Variants in CCDC6 observed in about 807,000 individuals in gnomAD.
The protein encoded by CCDC6 is coiled-coil domain-containing protein 6.
Under a neutral mutation model 56.6 loss-of-function variants are expected in CCDC6, and 20 were observed. That is an observed-to-expected ratio of 0.35 (90% CI 0.25 to 0.51). The LOEUF (loss-of-function observed/expected upper bound fraction) is 0.51, where lower values mean the gene tolerates loss of function less well. CCDC6 is among the 20% of genes least tolerant of loss of function. The pLI is 0.95. For synonymous variants in CCDC6, 241 were observed against 234.4 expected, an observed-to-expected ratio of 1.03 and a Z score of -0.26; for missense variants, 367 against 601.1, an observed-to-expected ratio of 0.61 and a Z score of 4.07.
At chr10:59,854,779 A>G (rs181910653) in intron 1 of CCDC6, among the ~76,000 whole-genome samples, 1 of 152,338 alleles carries the variant, frequency 6.6e-6, no homozygotes, top group East Asian at 1.9e-4. Context: ...TATTTGACAC[A>G]TACATATCTA....
At chr10:59,820,854 GAT>G (rs764407192) in intron 3 of CCDC6, among the ~76,000 whole-genome samples, 1 of 149,180 alleles carries the variant, frequency 6.7e-6, no homozygotes, top group Non-Finnish European at 1.5e-5. Flanking sequence ...AAGTTGGCTA[GAT>G]TTTTTTTTTT....
chr10:59,864,072 C>A (rs2071157140), intron 1 of CCDC6, among the ~76,000 whole-genome samples: 1 of 152,140 alleles, frequency 6.6e-6, no homozygotes, highest in South Asian at 2.1e-4. Flanking sequence ...AGTTAGTTCC[C>A]ATGGCCAGCT....
At chr10:59,897,571 T>A (rs1177461518) in intron 1 of CCDC6, among the ~76,000 whole-genome samples, 1 of 152,150 alleles carries the variant, frequency 6.6e-6, no homozygotes, top group African/African-American at 2.4e-5. Context: ...GGATAATTTT[T>A]AAAAAGTCAA....
intron 2 of CCDC6, among the ~76,000 whole-genome samples, chr10:59,839,694 T>C (rs2070919356): frequency 6.6e-6 from 1 of 152,256 alleles, no homozygotes; most frequent in Admixed American, 6.5e-5. Context: ...GGTTTTGCAT[T>C]CTTTCATATC....
intron 1 of CCDC6, among the ~76,000 whole-genome samples, chr10:59,878,116 T>C (rs1159524042): frequency 6.6e-6 from 1 of 152,200 alleles, no homozygotes; most frequent in Admixed American, 6.5e-5. Context: ...CTTAGTATCT[T>C]AAGGAATAAG....
intron 1 of CCDC6, among the ~76,000 whole-genome samples, chr10:59,895,595 G>T (rs956497793): frequency 6.6e-6 from 1 of 152,188 alleles, no homozygotes; most frequent in Non-Finnish European, 1.5e-5. Flanking sequence ...AACATCCACT[G>T]TTATCACAGC....
chr10:59,835,713 G>A (rs867977218), intron 2 of CCDC6, among the ~76,000 whole-genome samples: 22 of 152,296 alleles, frequency 1.4e-4, no homozygotes, highest in Middle Eastern at 6.8e-3. Flanking sequence ...CCTGAACAAA[G>A]ACTAGAAACA....
rs570036777 is a variant in CCDC6 at position 59,791,954 on chromosome 10, C to T, written c.*963G>A. On this transcript the variant is annotated 3_prime_UTR_variant, in exon 9 of 9. Coordinates refer to ENST00000263102, the MANE Select transcript of CCDC6 (RefSeq NM_005436.5). ...TTCTGGCCATTATGCCAAGATAATG[C>T]GATAATGTCCATTTCAAATAGTATT... 1.1e-4 allele frequency: 24 copies of T among 219,988 alleles called. No individual in the cohort carries two copies. The highest frequency in any genetic ancestry group is 1.8e-4 in the Non-Finnish European group (20 of 109,604). 13.6% of individuals were successfully genotyped at this position (219,988 alleles called of 1,614,324 possible). A position where few individuals can be genotyped will look rare whatever the true frequency, so the allele number is the denominator to read the frequency against.
intron 2 of CCDC6, among the ~76,000 whole-genome samples, chr10:59,835,030 T>A (rs1188013029): frequency 1.3e-5 from 2 of 152,240 alleles, no homozygotes; most frequent in African/African-American, 4.8e-5. Flanking sequence ...CTAAAAATAG[T>A]TATGAACACT....
Position 59,906,502 on chromosome 10 carries a change from C to A in CCDC6, c.-78G>T. ...GAAGGCCGGGCTGCGAATGAGTGGG[C>A]GCCGGGCGAGCACAGGGGAGCGCCG... is the stretch of plus-strand genomic sequence containing the variant. On this transcript the variant is annotated 5_prime_UTR_variant, in exon 1 of 9. Coordinates refer to ENST00000263102, the MANE Select transcript of CCDC6 (RefSeq NM_005436.5). 7.8e-7 allele frequency: 1 copy of A among 1,284,408 alleles called. No individual in the cohort carries two copies. The highest frequency in any genetic ancestry group is 1.0e-6 in the Non-Finnish European group (1 of 979,960). The allele number at this position is 1,284,408 out of a possible 1,614,324, so 79.6% of individuals were successfully genotyped here.
intron 8 of CCDC6, among the ~76,000 whole-genome samples, chr10:59,793,550 GA>G (rs1405569080): frequency 4.6e-5 from 7 of 152,218 alleles, no homozygotes; most frequent in Non-Finnish European, 7.3e-5. Context: ...TTAGGAGGTA[GA>G]GGTGGGTGGA....
chr10:59,798,059 T>C (rs2070539807), intron 7 of CCDC6, among the ~76,000 whole-genome samples: 1 of 151,868 alleles, frequency 6.6e-6, no homozygotes, highest in Non-Finnish European at 1.5e-5. Flanking sequence ...ATTACTTGTT[T>C]TATCACTGCA....
intron 1 of CCDC6, among the ~76,000 whole-genome samples, chr10:59,898,571 G>A (rs942417102): frequency 1.3e-5 from 2 of 152,164 alleles, no homozygotes; most frequent in Non-Finnish European, 2.9e-5. Flanking sequence ...AATCCCCAAG[G>A]CTGGAGAGAA....
chr10:59,899,135 C>T (rs1299099361), intron 1 of CCDC6, among the ~76,000 whole-genome samples: 4 of 152,128 alleles, frequency 2.6e-5, no homozygotes, highest in Non-Finnish European at 4.4e-5. Flanking sequence ...TGCAAGTTAA[C>T]ACCACCCCAA....
At position 59,850,908 on chromosome 10, in the gene CCDC6, ATTCTTATG is replaced by A. The variant is rs547764193; in HGVS notation, c.453+1637_453+1644del. Among the ~76,000 whole-genome samples, 474 of 152,064 alleles carry A rather than the reference ATTCTTATG, an allele frequency of 3.1e-3. 3 individuals are homozygous for A. Among genetic ancestry groups the A allele is most frequent in the African/African-American group, 0.011 (443 of 41,478 alleles). On this transcript the variant is annotated intron_variant, in intron 2 of 8. Transcript: ENST00000263102. Reference sequence around the variant, plus strand: ...TGTTTTCATTCTTTTTTATGTTTTCATTCTTATGTTCTTATGTTTTCATTCTTTTTTAG... The same window carrying A: ...TGTTTTCATTCTTTTTTATGTTTTCATTCTTATGTTTTCATTCTTTTTTAG...
chr10:59,817,327 C>G (rs1350509595), intron 3 of CCDC6, among the ~76,000 whole-genome samples: 1 of 152,118 alleles, frequency 6.6e-6, no homozygotes, highest in Non-Finnish European at 1.5e-5. Context: ...ACTACAGGCA[C>G]ACACCACCAC....
intron 2 of CCDC6, among the ~76,000 whole-genome samples, chr10:59,847,841 T>A (rs376278237): frequency 2.3e-3 from 340 of 146,324 alleles, no homozygotes; most frequent in Non-Finnish European, 3.4e-3. Context: ...TTTTTTTTTT[T>A]ACCCCTAATG....
chr10:59,887,029 G>C (rs958131450), intron 1 of CCDC6, among the ~76,000 whole-genome samples: 2 of 152,176 alleles, frequency 1.3e-5, no homozygotes, highest in Admixed American at 6.5e-5. Flanking sequence ...ACTAATGGAA[G>C]TGTAAATTGT....
At chr10:59,883,884 C>T (rs1436169466) in intron 1 of CCDC6, among the ~76,000 whole-genome samples, 1 of 152,150 alleles carries the variant, frequency 6.6e-6, no homozygotes, top group Non-Finnish European at 1.5e-5. Context: ...GAGTTCAAAA[C>T]CCTCAAGTTT....
Sources: allele counts gnomAD v4.1 joint callset (sites outside exome capture counted in the v4.1 genomes callset), GRCh38; gene constraint gnomAD v4.1.1; transcripts MANE v1.5; gene names NCBI Gene and HGNC (gene_info 2026-07-23, HGNC 2026-07-21).